Variants in GFI1 observed in about 807,000 individuals in gnomAD.
GFI1 encodes the protein growth factor independent 1 transcriptional repressor.
A neutral mutation model predicts 39.2 loss-of-function variants in GFI1; 15 were observed. The observed-to-expected ratio is 0.38, with a 90% CI of 0.26 to 0.59. The LOEUF (loss-of-function observed/expected upper bound fraction) is 0.59, where lower values mean the gene tolerates loss of function less well. Ranked by LOEUF, GFI1 falls within the 20% of genes least tolerant of loss-of-function variation. The pLI, the probability that GFI1 is intolerant of heterozygous loss-of-function variation, is 0.62. For synonymous variants in GFI1, 239 were observed against 254.3 expected (o/e 0.94, Z 0.57); for missense variants, 475 against 574.0 (o/e 0.83, Z 1.76).
intron 5 of GFI1, among the ~76,000 whole-genome samples, chr1:92,479,869 GA>G (rs1254577034): frequency 6.6e-6 from 1 of 151,936 alleles, no homozygotes; most frequent in Admixed American, 6.6e-5. Context: ...AAAGAAAAAA[GA>G]AAAGAAAAGA....
At chr1:92,476,990 T>G (rs750674105) in intron 6 of GFI1, among the ~76,000 whole-genome samples, 1 of 152,230 alleles carries the variant, frequency 6.6e-6, no homozygotes, top group Non-Finnish European at 1.5e-5. Context: ...GGTTTTGTCT[T>G]GTTCCCCATC....
intron 1 of GFI1, among the ~76,000 whole-genome samples, chr1:92,486,524 C>CT (rs1423160924): frequency 0.016 from 225 of 14,098 alleles, 8 homozygotes; most frequent in East Asian, 0.14. Context: ...CGGTCACCCG[C>CT]CCCCCCCACC....
In GFI1 at chr1:92,473,386, C is replaced by T. The variant is rs1212976166; in HGVS notation, c.*2643G>A. 6.6e-6 allele frequency among the ~76,000 whole-genome samples: 1 copy of T among 152,146 alleles called. No homozygotes were observed. Among genetic ancestry groups the T allele is most frequent in the African/African-American group, 2.4e-5 (1 of 41,422 alleles). On this transcript the variant is annotated 3_prime_UTR_variant, in exon 7 of 7. Coordinates refer to ENST00000294702, the MANE Select transcript of GFI1 (RefSeq NM_005263.5). Reference sequence around the variant, plus strand: ...CCAGGTTGGAAATAACCAACCAGTACACAGGGTGACTTCTGTGGGAAGGAT... The same window carrying T: ...CCAGGTTGGAAATAACCAACCAGTATACAGGGTGACTTCTGTGGGAAGGAT...
rs1056268413 is a variant in GFI1 at position 92,483,423 on chromosome 1, C to T, written c.65G>A (p.Gly22Glu). ...CTCTAAACGGAGGGAATAGTCTGGTCCTGGGGAGCGCGGCTGGTGGTAGCT... is the reference window on the plus strand; with the variant it reads ...CTCTAAACGGAGGGAATAGTCTGGTTCTGGGGAGCGCGGCTGGTGGTAGCT... ...AHSYHQPRSP[G>E]PDYSLRLENV... is the part of the protein sequence containing the mutation. The change falls in exon 2 of 7, where the codon GGA becomes GAA. Residue 22 changes from glycine to glutamate, a missense_variant. Physicochemically the swap from Gly to Glu is moderately conservative, Grantham distance 98. Transcript: ENST00000294702. 6.8e-6 allele frequency: 11 copies of T among 1,613,656 alleles called. No individual in the cohort carries two copies. Among genetic ancestry groups the T allele is most frequent in the East Asian group, 2.2e-5 (1 of 44,860 alleles).
chr1:92,475,728 T>G lies in GFI1; in HGVS notation c.*301A>C. On this transcript the variant is annotated 3_prime_UTR_variant, in exon 7 of 7. Coordinates refer to ENST00000294702, the MANE Select transcript of GFI1 (RefSeq NM_005263.5). ...ATGGGAAGGACTGTGGGGTCTAAGA[T>G]TTATTCTGGTCCCCATTTGACTTTG... The G allele has an allele frequency of 4.6e-6, 2 of 432,934 alleles. No individual in the cohort carries two copies. The highest frequency in any genetic ancestry group is 4.3e-6 in the Non-Finnish European group (1 of 231,146). 26.8% of individuals were successfully genotyped at this position (432,934 alleles called of 1,614,324 possible). A position where few individuals can be genotyped will look rare whatever the true frequency, so the allele number is the denominator to read the frequency against.
rs1481800192 is a variant in GFI1 at position 92,484,849 on chromosome 1, TG to T, written c.-99-1264del. On this transcript the variant is annotated intron_variant, in intron 1 of 6. Coordinates refer to ENST00000294702, the MANE Select transcript of GFI1 (RefSeq NM_005263.5). This position sits in a 1 kb window ranked among gnomAD's most constrained non-coding sequence, Gnocchi z 4.1. ...TGAGCTGCAGTACAGCAGTTCTCCG[TG>T]GCCTCGGCTGGTTCAGAAACGAGGG... Among the ~76,000 whole-genome samples, 8 of 152,308 alleles carry T rather than the reference TG, an allele frequency of 5.3e-5. No individual in the cohort carries two copies. The South Asian group carries it at 1.7e-3, about 32-fold the overall frequency.
intron 1 of GFI1, 87 bp downstream of exon 1, chr1:92,486,639 C>G (rs1055613918): frequency 3.4e-5 from 3 of 87,324 alleles, no homozygotes; most frequent in African/African-American, 4.8e-5. Context: ...CCACGGCGTC[C>G]GCAGAGCGAA....
At chr1:92,479,033 T>C (rs534765939) in intron 5 of GFI1, among the ~76,000 whole-genome samples, 1 of 152,268 alleles carries the variant, frequency 6.6e-6, no homozygotes, top group African/African-American at 2.4e-5. Context: ...ACCTGACTAA[T>C]TTTTGTATTT....
At position 92,478,634 on chromosome 1, in the gene GFI1, C is replaced by A; in HGVS notation, c.1044G>T (p.Arg348Ser). 6.2e-7 allele frequency: 1 copy of A among 1,614,072 alleles called. No individual in the cohort carries two copies. Among genetic ancestry groups the A allele is most frequent in the Non-Finnish European group, 8.5e-7 (1 of 1,180,006 alleles). Residue 348 changes from arginine (R) to serine (S), a missense_variant, in exon 6 of 7, where the codon AGG becomes AGT. By Grantham distance (110) the Arg-to-Ser change is moderately radical. Coordinates refer to ENST00000294702, the MANE Select transcript of GFI1 (RefSeq NM_005263.5). ...TCTTCATGTCTGACTTCTGGTGGAA[C>A]CTCTTGCCACAGTACTGACAGGGGT... ...RPYPCQYCGK[R>S]FHQKSDMKKH...
chr1:92,483,076 G>A, intron 2 of GFI1, 30 bp from the exon 3 acceptor site: 6 of 1,547,530 alleles, frequency 3.9e-6, no homozygotes, highest in Non-Finnish European at 5.2e-6. Flanking sequence ...GAGGGGCTCA[G>A]GCTGGGACCG....
At position 92,481,587 on chromosome 1, in the gene GFI1, A is replaced by T. The variant is rs1164009960; in HGVS notation, c.299-499T>A. ...TTTTTCTTCCCAGAATCCAAGAGGA[A>T]GGAGGGAGAAGGTCCATAAATGCGG... On this transcript the variant is annotated intron_variant, in intron 3 of 6. Transcript: ENST00000294702. The surrounding 1 kb of genome is among the most constrained non-coding windows in gnomAD (Gnocchi z 4.3). Among the ~76,000 whole-genome samples the T allele has an allele frequency of 6.6e-6, 1 of 152,220 alleles. No homozygotes were observed. Among genetic ancestry groups the T allele is most frequent in the Non-Finnish European group, 1.5e-5 (1 of 68,034 alleles).
In GFI1 at chr1:92,482,176, A is replaced by G. The variant is rs923595651; in HGVS notation, c.298+688T>C. 5.3e-5 allele frequency among the ~76,000 whole-genome samples: 8 copies of G among 151,728 alleles called. No individual in the cohort carries two copies. The highest frequency in any genetic ancestry group is 1.7e-4 in the African/African-American group (7 of 41,292). On this transcript the variant is annotated intron_variant, in intron 3 of 6. Transcript: ENST00000294702. The surrounding 1 kb of genome is among the most constrained non-coding windows in gnomAD (Gnocchi z 4.4). Reference sequence around the variant, plus strand: ...GTGGTGGTATCTTCTAAAACTAGCAAACATATTCTGGATATAACCGGCCCT... The same window carrying G: ...GTGGTGGTATCTTCTAAAACTAGCAGACATATTCTGGATATAACCGGCCCT...
chr1:92,480,335 G>A lies in GFI1; in HGVS notation c.924+13C>T, dbSNP rs745901225. The A allele has an allele frequency of 1.0e-5, 16 of 1,546,544 alleles. No homozygotes were observed. In the Admixed American group the frequency reaches 2.9e-4, roughly 28 times the overall value. ...CGAGCAGGGCCGCGCGCGGCGGTGC[G>A]CCCCGCGCTTACCTGCGAGTGCACG... On this transcript the variant is annotated intron_variant, in intron 5 of 6. Coordinates refer to ENST00000294702, the MANE Select transcript of GFI1 (RefSeq NM_005263.5). This position sits in a 1 kb window ranked among gnomAD's most constrained non-coding sequence, Gnocchi z 5.6.
Position 92,475,797 on chromosome 1 carries a change from TAG to T in GFI1, c.*230_*231del, listed in dbSNP as rs946523977. 2 of 573,604 alleles carry T rather than the reference TAG, an allele frequency of 3.5e-6. No homozygotes were observed. Among genetic ancestry groups the T allele is most frequent in the Non-Finnish European group, 6.3e-6 (2 of 319,434 alleles). The allele number at this position is 573,604 out of a possible 1,614,324, so 35.5% of individuals were successfully genotyped here. ...GAGGAGCCTATTTGTGTCCGAAGCCTAGAGAGTCACTTGGTTCTCACTCTCGG... is the reference window on the plus strand; with the variant it reads ...GAGGAGCCTATTTGTGTCCGAAGCCTAGAGTCACTTGGTTCTCACTCTCGG... On this transcript the variant is annotated 3_prime_UTR_variant, in exon 7 of 7. Transcript: ENST00000294702.
chr1:92,474,926 A>G lies in GFI1; in HGVS notation c.*1103T>C, dbSNP rs1657886978. 1 of 152,434 alleles carries G rather than the reference A, an allele frequency of 6.6e-6. No homozygotes were observed. Among genetic ancestry groups the G allele is most frequent in the African/African-American group, 2.4e-5 (1 of 41,456 alleles). The allele number at this position is 152,434 out of a possible 1,614,324, so 9.4% of individuals were successfully genotyped here. ...CATGGAGGGTCAAAGAGTTGAAGAC[A>G]GAGCCTTCCTTCCCACATGCCTGCT... is the stretch of plus-strand genomic sequence containing the variant. On this transcript the variant is annotated 3_prime_UTR_variant, in exon 7 of 7. Coordinates refer to ENST00000294702, the MANE Select transcript of GFI1 (RefSeq NM_005263.5).
rs185940899 is a variant in GFI1 at position 92,475,670 on chromosome 1, A to G, written c.*359T>C. On this transcript the variant is annotated 3_prime_UTR_variant, in exon 7 of 7. Transcript: ENST00000294702. ...CAAGAGGGGGGAGGGAAGAAACCTG[A>G]AGGGCATTCCTGTCTGTAGATTAGG... is the stretch of plus-strand genomic sequence containing the variant. 3.2e-6 allele frequency: 1 copy of G among 316,224 alleles called. No individual in the cohort carries two copies. The highest frequency in any genetic ancestry group is 4.5e-5 in the Admixed American group (1 of 22,092). 19.6% of individuals were successfully genotyped at this position (316,224 alleles called of 1,614,324 possible). A position where few individuals can be genotyped will look rare whatever the true frequency, so the allele number is the denominator to read the frequency against.
At chr1:92,476,493 G>C (rs1245874797) in intron 6 of GFI1, among the ~76,000 whole-genome samples, 2 of 152,150 alleles carry the variant, frequency 1.3e-5, no homozygotes, top group East Asian at 3.9e-4. Flanking sequence ...CAAAGGCCAC[G>C]TGCCCTCCCC....
At chr1:92,479,473 C>T (rs1180922509) in intron 5 of GFI1, among the ~76,000 whole-genome samples, 2 of 152,240 alleles carry the variant, frequency 1.3e-5, no homozygotes, top group African/African-American at 4.8e-5. Context: ...TGTGGGCATG[C>T]TGTCAAGGAC....
rs1455870659 is a variant in GFI1 at position 92,480,511 on chromosome 1, G to A, written c.787-26C>T. 6 of 1,548,698 alleles carry A rather than the reference G, an allele frequency of 3.9e-6. No individual in the cohort carries two copies. The highest frequency in any genetic ancestry group is 5.2e-6 in the Non-Finnish European group (6 of 1,146,020). On this transcript the variant is annotated intron_variant, in intron 4 of 6. Coordinates refer to ENST00000294702, the MANE Select transcript of GFI1 (RefSeq NM_005263.5). This position sits in a 1 kb window ranked among gnomAD's most constrained non-coding sequence, Gnocchi z 5.6. ...CTAAGGCGGGTGGGGCCAGAGAGAA[G>A]GCCGCTGAGAGGGGCCGCGGGGCGC...
Sources: allele counts gnomAD v4.1 joint callset (sites outside exome capture counted in the v4.1 genomes callset), GRCh38; gene constraint gnomAD v4.1.1; non-coding constraint Gnocchi (gnomAD v3.1); transcripts MANE v1.5; gene names NCBI Gene and HGNC (gene_info 2026-07-23, HGNC 2026-07-21).